The following GMDS variants were observed in gnomAD, a reference collection of about 807,000 sequenced individuals.
GMDS encodes GDP-mannose 4,6-dehydratase.
In GMDS, 20 loss-of-function variants were observed where a neutral mutation model predicts 49.9. The ratio of observed to expected loss-of-function variants is 0.40; its 90% CI spans 0.28 to 0.58. GMDS has a LOEUF of 0.58. Ranked by LOEUF, GMDS falls within the 20% of genes least tolerant of loss-of-function variation. GMDS has a pLI of 0.42. For missense variants in GMDS, 362 were observed against 481.4 expected (o/e 0.75, Z 2.32); for synonymous variants, 177 against 178.6 (o/e 0.99, Z 0.07).
At chr6:1,995,094 C>T (rs563388756) in intron 4 of GMDS, among the ~76,000 whole-genome samples, 7 of 152,284 alleles carry the variant, frequency 4.6e-5, no homozygotes, top group East Asian at 1.9e-4. Context: ...ACCTGCAAGC[C>T]GTAAGCAGCA....
chr6:1,796,240 T>C (rs1769729879), intron 7 of GMDS, among the ~76,000 whole-genome samples: 1 of 152,056 alleles, frequency 6.6e-6, no homozygotes, highest in African/African-American at 2.4e-5. Flanking sequence ...CTGGGATCTG[T>C]AGTCATTAAA....
intron 7 of GMDS, among the ~76,000 whole-genome samples, chr6:1,863,029 T>C (rs115233505): frequency 0.017 from 2,548 of 152,336 alleles, 73 homozygotes; most frequent in African/African-American, 0.058. Flanking sequence ...TTCTACTTTT[T>C]AACATGTAAA....
At chr6:1,704,535 T>C (rs1325378103) in intron 9 of GMDS, among the ~76,000 whole-genome samples, 26 of 152,092 alleles carry the variant, frequency 1.7e-4, no homozygotes, top group Non-Finnish European at 4.4e-5. Flanking sequence ...TTCAAAAAAT[T>C]AAAGGAACAC....
chr6:1,841,245 C>G lies in GMDS; in HGVS notation c.771+88858G>C, dbSNP rs147114298. On this transcript the variant is annotated intron_variant, in intron 7 of 10. Coordinates refer to ENST00000380815, the MANE Select transcript of GMDS (RefSeq NM_001500.4). The stretch of plus-strand genomic sequence containing the variant: ...AAATGAACTCTCTCTCCTAGAATCC[C>G]TTGCTCTCAGAACATCCCAAAATAT... Among the ~76,000 whole-genome samples the G allele has an allele frequency of 8.5e-3, 1,301 of 152,332 alleles. 10 individuals carry two copies. The highest frequency in any genetic ancestry group is 0.013 in the Non-Finnish European group (915 of 68,022).
intron 4 of GMDS, among the ~76,000 whole-genome samples, chr6:2,022,958 GTTTT>G (rs1187969677): frequency 6.6e-6 from 1 of 151,990 alleles, no homozygotes; most frequent in Non-Finnish European, 1.5e-5. Context: ...TAATTAGAGG[GTTTT>G]TTTAATTACT....
At chr6:1,782,070 A>G in intron 7 of GMDS, among the ~76,000 whole-genome samples, 1 of 152,170 alleles carries the variant, frequency 6.6e-6, no homozygotes, top group South Asian at 2.1e-4. Context: ...TGATTTTATG[A>G]TGAGTAAAAT....
intron 9 of GMDS, among the ~76,000 whole-genome samples, chr6:1,687,557 CCTT>C: frequency 2.8e-4 from 1 of 3,530 alleles, no homozygotes; most frequent in East Asian, 3.1e-3. Flanking sequence ...CAGGCACCGT[CCTT>C]CTCCTGTGTT....
In GMDS at chr6:1,690,538, T is replaced by G. The variant is rs560658581; in HGVS notation, c.987+35878A>C. Among the ~76,000 whole-genome samples the G allele has an allele frequency of 2.0e-5, 3 of 152,294 alleles. No homozygotes were observed. In the South Asian group the frequency reaches 6.2e-4, roughly 32 times the overall value. On this transcript the variant is annotated intron_variant, in intron 9 of 10. Transcript: ENST00000380815. ...AGATCAGACGGTTGTAGACGTGCAG[T>G]CTTATTCCTGAGTCCCCATCAGAGT...
chr6:1,862,673 C>T (rs1758247324), intron 7 of GMDS, among the ~76,000 whole-genome samples: 1 of 152,192 alleles, frequency 6.6e-6, no homozygotes, highest in Non-Finnish European at 1.5e-5. Context: ...GGAATGACAA[C>T]TCTGTCAAAT....
chr6:1,993,455 T>A (rs572898856), intron 4 of GMDS, among the ~76,000 whole-genome samples: 15 of 152,194 alleles, frequency 9.9e-5, no homozygotes, highest in Non-Finnish European at 2.2e-4. Context: ...GGACAACACC[T>A]CTGCAGAGGG....
At position 2,127,475 on chromosome 6, in the gene GMDS, G is replaced by C. The variant is rs3800157; in HGVS notation, c.103-2744C>G. On this transcript the variant is annotated intron_variant, in intron 1 of 10. Coordinates refer to ENST00000380815, the MANE Select transcript of GMDS (RefSeq NM_001500.4). ...AGGTGGCAAGAGCTGTGATTATTTAGAGAGCTGATGTGAAACAGACCTGAC... is the reference window on the plus strand; with the variant it reads ...AGGTGGCAAGAGCTGTGATTATTTACAGAGCTGATGTGAAACAGACCTGAC... 8.1e-4 allele frequency among the ~76,000 whole-genome samples: 123 copies of C among 152,108 alleles called. 2 individuals are homozygous for C. The East Asian group carries it at 0.022, about 27-fold the overall frequency.
At chr6:2,226,234 C>T (rs1247322313) in intron 1 of GMDS, among the ~76,000 whole-genome samples, 1 of 152,120 alleles carries the variant, frequency 6.6e-6, no homozygotes, top group Non-Finnish European at 1.5e-5. Flanking sequence ...CATCCTGATT[C>T]CTGGGTAGAA....
At chr6:1,812,112 A>G (rs1403971814) in intron 7 of GMDS, among the ~76,000 whole-genome samples, 2 of 152,196 alleles carry the variant, frequency 1.3e-5, no homozygotes, top group African/African-American at 4.8e-5. Flanking sequence ...CAGAGAGAGG[A>G]ATTCGTTTTG....
intron 1 of GMDS, among the ~76,000 whole-genome samples, chr6:2,130,950 T>C (rs1419272096): frequency 6.6e-6 from 1 of 152,162 alleles, no homozygotes; most frequent in East Asian, 1.9e-4. Context: ...CAGGGAATTA[T>C]ATATACACTT....
chr6:1,732,217 C>T (rs887969601), intron 8 of GMDS, among the ~76,000 whole-genome samples: 32 of 152,120 alleles, frequency 2.1e-4, no homozygotes, highest in Admixed American at 1.3e-3. Context: ...GTCCCAGCTA[C>T]TCGGGAGGCT....
chr6:1,928,594 T>C (rs1157906309), intron 7 of GMDS, among the ~76,000 whole-genome samples: 2 of 152,210 alleles, frequency 1.3e-5, no homozygotes, highest in African/African-American at 4.8e-5. Context: ...CTATATATTT[T>C]TTGATGTGAT....
At chr6:2,078,542 CAT>C (rs1772480732) in intron 4 of GMDS, among the ~76,000 whole-genome samples, 1 of 152,018 alleles carries the variant, frequency 6.6e-6, no homozygotes, top group Non-Finnish European at 1.5e-5. Context: ...CATTCAGGAA[CAT>C]GTTGTTTAAT....
At chr6:1,759,036 C>T (rs1768060404) in intron 7 of GMDS, among the ~76,000 whole-genome samples, 1 of 152,186 alleles carries the variant, frequency 6.6e-6, no homozygotes, top group African/African-American at 2.4e-5. Flanking sequence ...GATTCTCACG[C>T]CTCAGCCTCT....
At chr6:1,802,105 C>T (rs1328027998) in intron 7 of GMDS, among the ~76,000 whole-genome samples, 1 of 152,050 alleles carries the variant, frequency 6.6e-6, no homozygotes, top group Admixed American at 6.5e-5. Flanking sequence ...TGCAGTACCA[C>T]CTAAAGTGAA....
Sources: gnomAD v4.1 joint callset for allele counts (sites outside exome capture counted in the v4.1 genomes callset) on GRCh38, gnomAD v4.1.1 for gene constraint, MANE v1.5 for transcripts, NCBI Gene and HGNC (gene_info 2026-07-23, HGNC 2026-07-21) for gene names.